Variants in CFAP43 observed in about 807,000 individuals in gnomAD.
The protein encoded by CFAP43 is cilia and flagella associated protein 43.
CFAP43 carries 155 observed loss-of-function variants against 218.9 expected under a neutral mutation model. That is an observed-to-expected ratio of 0.71 (90% CI 0.62 to 0.81). The LOEUF (loss-of-function observed/expected upper bound fraction) is 0.81. Ranked by LOEUF, CFAP43 falls within the 30% of genes least tolerant of loss-of-function variation. The pLI is 0.00. For synonymous variants in CFAP43, 645 were observed against 681.3 expected (o/e 0.95, Z 0.83); for missense variants, 1,778 against 1,954.3 (o/e 0.91, Z 1.70).
chr10:104,191,330 G>A (rs144341402), intron 12 of CFAP43, among the ~76,000 whole-genome samples: 1 of 148,642 alleles, frequency 6.7e-6, no homozygotes, highest in East Asian at 2.0e-4. Flanking sequence ...CCATTTACCT[G>A]TTATACCAGA....
intron 19 of CFAP43, among the ~76,000 whole-genome samples, chr10:104,173,298 G>T (rs2089484166): frequency 6.6e-6 from 1 of 152,096 alleles, no homozygotes. Context: ...GAGGAAAAAA[G>T]GAATAGAATC....
intron 16 of CFAP43, among the ~76,000 whole-genome samples, chr10:104,184,017 C>T (rs977230435): frequency 1.1e-4 from 17 of 152,044 alleles, no homozygotes; most frequent in African/African-American, 2.4e-4. Context: ...AGAGAAGGGC[C>T]GTATTTTATT....
rs187481077 is a variant in CFAP43, at chr10:104,132,507, C to T, written c.4597-311G>A. On this transcript the variant is annotated intron_variant, in intron 35 of 37. Transcript: ENST00000357060. ...CACATGCCTGTAATCCCAGCTGCTC[C>T]GGGAGGGTGAGGCAGGAGAATTGCT... is the stretch of plus-strand genomic sequence containing the variant. The T allele has an allele frequency of 3.8e-3, 1,554 of 404,582 alleles. 2 individuals carry two copies. Among genetic ancestry groups the T allele is most frequent in the Non-Finnish European group, 4.8e-3 (1,424 of 299,522 alleles). The allele number at this position is 404,582 out of a possible 1,614,324, so 25.1% of individuals were successfully genotyped here. A position where few individuals can be genotyped will look rare whatever the true frequency, so the allele number is the denominator to read the frequency against.
intron 3 of CFAP43, among the ~76,000 whole-genome samples, chr10:104,216,792 C>G (rs1156928923): frequency 2.0e-5 from 3 of 152,094 alleles, no homozygotes; most frequent in Non-Finnish European, 2.9e-5. Flanking sequence ...CGCCCTCATA[C>G]TGGCTCTCCT....
chr10:104,130,924 A>T (rs532316857), intron 37 of CFAP43, among the ~76,000 whole-genome samples: 1 of 147,514 alleles, frequency 6.8e-6, no homozygotes, highest in East Asian at 2.0e-4. Flanking sequence ...AATTGAGCCC[A>T]GGAGGTGGAG....
chr10:104,177,794 C>A (rs2134864654), intron 19 of CFAP43, among the ~76,000 whole-genome samples: 1 of 152,326 alleles, frequency 6.6e-6, no homozygotes, highest in Non-Finnish European at 1.5e-5. Flanking sequence ...GAGTCAGGCA[C>A]TGGATTCTCT....
intron 27 of CFAP43, among the ~76,000 whole-genome samples, chr10:104,153,307 A>G (rs1417245569): frequency 6.6e-6 from 1 of 152,238 alleles, no homozygotes; most frequent in African/African-American, 2.4e-5. Flanking sequence ...ATATTTTTAA[A>G]GAGAACAACA....
chr10:104,179,811 T>G (rs983679424), intron 18 of CFAP43, 29 bp downstream of exon 18: 5 of 1,566,558 alleles, frequency 3.2e-6, no homozygotes, highest in Non-Finnish European at 4.4e-6. Context: ...AGAGCACTAT[T>G]TCAAACCTAC....
intron 17 of CFAP43, 141 bp from the exon 18 acceptor site, chr10:104,180,073 G>T: frequency 1.5e-6 from 1 of 663,722 alleles, no homozygotes; most frequent in Non-Finnish European, 2.6e-6. Context: ...CATTTTGTCT[G>T]CCCAAGATGT....
intron 3 of CFAP43, among the ~76,000 whole-genome samples, chr10:104,219,512 C>T (rs74715474): frequency 0.039 from 5,915 of 152,270 alleles, 170 homozygotes; most frequent in Middle Eastern, 0.075. Flanking sequence ...CACTTCCCTG[C>T]TTAAAACCCT....
intron 21 of CFAP43, 118 bp downstream of exon 21, chr10:104,168,626 C>A: frequency 1.3e-6 from 1 of 758,658 alleles, no homozygotes; most frequent in Non-Finnish European, 2.2e-6. Flanking sequence ...TAGGAAGGGG[C>A]AAGCCATGCT....
At chr10:104,151,097 G>A (rs976932951) in intron 28 of CFAP43, among the ~76,000 whole-genome samples, 3 of 152,200 alleles carry the variant, frequency 2.0e-5, no homozygotes, top group African/African-American at 4.8e-5. Context: ...TGGCTGCACA[G>A]TATTCCATGG....
rs764093497 is a variant in CFAP43 at position 104,162,340 on chromosome 10, T to G, written c.3310A>C (p.Lys1104Gln). The change falls in exon 25 of 38, where the codon AAG becomes CAG. Residue 1104 changes from lysine (K) to glutamine (Q), a missense_variant. Transcript: ENST00000357060. Reference protein sequence around the residue: ...KAKELIVNHEKEHWLLIQDAS... With the variant: ...KAKELIVNHEQEHWLLIQDAS... Reference sequence around the variant, plus strand: ...GCCTGTATCAGAAGCCAGTGCTCCTTTTCATGATTCACGATCAATTCTTTG... The same window carrying G: ...GCCTGTATCAGAAGCCAGTGCTCCTGTTCATGATTCACGATCAATTCTTTG... 5 of 1,614,222 alleles carry G rather than the reference T, an allele frequency of 3.1e-6. No individual in the cohort carries two copies. The highest frequency in any genetic ancestry group is 4.2e-6 in the Non-Finnish European group (5 of 1,180,008).
At chr10:104,137,007 C>T (rs1307257322) in intron 34 of CFAP43, among the ~76,000 whole-genome samples, 1 of 152,028 alleles carries the variant, frequency 6.6e-6, no homozygotes, top group Non-Finnish European at 1.5e-5. Context: ...AAAGTGAAAC[C>T]CACATACTTT....
In CFAP43 at chr10:104,143,571, C is replaced by T. The variant is rs1194462964; in HGVS notation, c.4013G>A (p.Gly1338Asp). The T allele has an allele frequency of 6.2e-6, 10 of 1,614,070 alleles. No individual in the cohort carries two copies. In the Admixed American group the frequency reaches 1.0e-4, roughly 16 times the overall value. ...GGCAAAGGCATCCTTATTCAACTTG[C>T]CAGATCCTGGTAGTTCTCCGAAAGG... ...VVPFGELPGS[G>D]KLNKDAFAQL... Residue 1338 changes from glycine to aspartate, a missense_variant, in exon 32 of 38, where the codon GGC becomes GAC. Around this residue, in one of 3 missense-constraint regions of CFAP43, gnomAD observed 1,553 missense variants for 1,685.2 expected, o/e 0.92. Coordinates refer to ENST00000357060, the MANE Select transcript of CFAP43 (RefSeq NM_025145.7).
At chr10:104,192,623 A>G (rs2090263652) in intron 11 of CFAP43, 1 of 271,938 alleles carries the variant, frequency 3.7e-6, no homozygotes, top group African/African-American at 2.3e-5. Context: ...CAAATAAGCA[A>G]TTCTCAAATT....
Position 104,130,025 on chromosome 10 carries a change from C to G in CFAP43, c.*114G>C. On this transcript the variant is annotated 3_prime_UTR_variant, in exon 38 of 38. Transcript: ENST00000357060. Reference sequence around the variant, plus strand: ...ACAATTTTTTATCTAAAACATGCAACTCAGAGGACATGCTACTTCAATTTC... The same window carrying G: ...ACAATTTTTTATCTAAAACATGCAAGTCAGAGGACATGCTACTTCAATTTC... The G allele has an allele frequency of 7.8e-7, 1 of 1,282,794 alleles. No homozygotes were observed. The highest frequency in any genetic ancestry group is 1.0e-6 in the Non-Finnish European group (1 of 963,996). The allele number at this position is 1,282,794 out of a possible 1,614,324, so 79.5% of individuals were successfully genotyped here.
At position 104,188,291 on chromosome 10, in the gene CFAP43, G is replaced by C; in HGVS notation, c.1666C>G (p.Leu556Val). Residue 556 changes from leucine (L) to valine (V), a missense_variant, in exon 13 of 38, where the codon CTG becomes GTG. Physicochemically the swap from Leu to Val is conservative, Grantham distance 32. This residue lies in a region of CFAP43 where 1,553 missense variants were observed against 1,685.2 expected (regional missense o/e 0.92). Coordinates refer to ENST00000357060, the MANE Select transcript of CFAP43 (RefSeq NM_025145.7). Reference sequence around the variant, plus strand: ...TTACCTTGTGGCAGTAATGTAGGCAGTGTGAACATCTCCAACCTGCTTCTC... The same window carrying C: ...TTACCTTGTGGCAGTAATGTAGGCACTGTGAACATCTCCAACCTGCTTCTC... ...AGRSRLEMFT[L>V]PTLLPQVSTT... The C allele has an allele frequency of 6.2e-7, 1 of 1,614,124 alleles. No individual in the cohort carries two copies. The highest frequency in any genetic ancestry group is 1.1e-5 in the South Asian group (1 of 91,046).
intron 14 of CFAP43, among the ~76,000 whole-genome samples, chr10:104,186,387 C>T: frequency 6.6e-6 from 1 of 152,152 alleles, no homozygotes; most frequent in East Asian, 1.9e-4. Context: ...AAAATCCTAG[C>T]CTACACTGAT....
Sources: allele counts gnomAD v4.1 joint callset (sites outside exome capture counted in the v4.1 genomes callset), GRCh38; gene constraint gnomAD v4.1.1; regional missense constraint gnomAD v4.1.1; transcripts MANE v1.5; gene names NCBI Gene and HGNC (gene_info 2026-07-23, HGNC 2026-07-21).